Variants in LRMDA observed in about 807,000 individuals in gnomAD.
LRMDA encodes the protein leucine-rich melanocyte differentiation-associated protein.
In LRMDA, 18 loss-of-function variants were observed where a neutral mutation model predicts 29.8. That is an observed-to-expected ratio of 0.60 (90% confidence interval 0.42 to 0.90). The LOEUF (loss-of-function observed/expected upper bound fraction) is 0.90. LRMDA is among the 40% of genes least tolerant of loss of function. LRMDA has a pLI of 0.00. For synonymous variants in LRMDA, 125 were observed against 109.4 expected (o/e 1.14, Z -0.89); for missense variants, 273 against 273.9 (o/e 1.00, Z 0.02).
At chr10:75,777,069 G>T (rs892610772) in intron 2 of LRMDA, among the ~76,000 whole-genome samples, 1 of 152,168 alleles carries the variant, frequency 6.6e-6, no homozygotes, top group African/African-American at 2.4e-5. Context: ...GTGGGGAGCC[G>T]GGTTTACTCT....
intron 5 of LRMDA, among the ~76,000 whole-genome samples, chr10:76,162,822 A>T (rs1486965845): frequency 6.6e-6 from 1 of 152,184 alleles, no homozygotes; most frequent in African/African-American, 2.4e-5. Context: ...TATGTAGAAA[A>T]TGCAGGTGAT....
At chr10:76,261,966 G>A (rs943739394) in intron 5 of LRMDA, among the ~76,000 whole-genome samples, 5 of 152,062 alleles carry the variant, frequency 3.3e-5, no homozygotes, top group East Asian at 3.9e-4. Flanking sequence ...ATTAGAAAAC[G>A]AGCCTCATGT....
intron 6 of LRMDA, among the ~76,000 whole-genome samples, chr10:76,427,309 G>A (rs541968327): frequency 2.0e-3 from 305 of 151,982 alleles, no homozygotes; most frequent in African/African-American, 4.4e-3. Context: ...TCCTTGAAGA[G>A]GTCCTTCACA....
chr10:76,051,132 C>T (rs7923665), intron 4 of LRMDA, among the ~76,000 whole-genome samples: 55,116 of 152,218 alleles, frequency 0.36, 11,200 homozygotes, highest in Non-Finnish European at 0.45. Flanking sequence ...AGGGACCCTC[C>T]GCCGTCTGGT....
intron 6 of LRMDA, among the ~76,000 whole-genome samples, chr10:76,397,802 T>C (rs10762724): frequency 0.3 from 45,764 of 151,982 alleles, 9,742 homozygotes; most frequent in African/African-American, 0.6. Context: ...ACAAGGGGCA[T>C]AGGGAAATGC....
intron 2 of LRMDA, among the ~76,000 whole-genome samples, chr10:75,933,168 G>T (rs1360735958): frequency 6.6e-6 from 1 of 152,112 alleles, no homozygotes; most frequent in Non-Finnish European, 1.5e-5. Flanking sequence ...TATCTGAGCT[G>T]TCACCATCCT....
intron 6 of LRMDA, among the ~76,000 whole-genome samples, chr10:76,538,254 C>T (rs764255476): frequency 1.8e-4 from 27 of 151,880 alleles, no homozygotes; most frequent in Non-Finnish European, 5.9e-5. Flanking sequence ...CCCCTTTACC[C>T]TATTTCTACC....
chr10:76,144,156 G>A (rs986687401), intron 5 of LRMDA, among the ~76,000 whole-genome samples: 1 of 152,156 alleles, frequency 6.6e-6, no homozygotes, highest in Non-Finnish European at 1.5e-5. Context: ...TTTGGCTTAG[G>A]ATTGACTTGG....
intron 5 of LRMDA, among the ~76,000 whole-genome samples, chr10:76,098,333 T>C (rs906701832): frequency 1.3e-5 from 2 of 152,208 alleles, no homozygotes; most frequent in Non-Finnish European, 2.9e-5. Flanking sequence ...TTGTCAAAGT[T>C]GTCAGAAGAT....
intron 2 of LRMDA, among the ~76,000 whole-genome samples, chr10:75,977,615 T>C (rs1564621423): frequency 6.6e-6 from 1 of 152,218 alleles, no homozygotes; most frequent in African/African-American, 2.4e-5. Flanking sequence ...GTAGTGTTAA[T>C]AGGATGACAG....
intron 2 of LRMDA, among the ~76,000 whole-genome samples, chr10:75,782,007 G>A (rs559305644): frequency 2.3e-4 from 35 of 152,330 alleles, no homozygotes; most frequent in Admixed American, 2.2e-3. Flanking sequence ...GAATGTGTTC[G>A]AGGATCACAG....
chr10:76,493,691 C>T (rs1429906936), intron 6 of LRMDA, among the ~76,000 whole-genome samples: 1 of 151,796 alleles, frequency 6.6e-6, no homozygotes, highest in Non-Finnish European at 1.5e-5. Flanking sequence ...AAGTTGTTCA[C>T]CGTTTTTGAA....
intron 2 of LRMDA, among the ~76,000 whole-genome samples, chr10:75,936,127 C>G (rs1846287457): frequency 6.6e-6 from 1 of 151,958 alleles, no homozygotes; most frequent in Non-Finnish European, 1.5e-5. Flanking sequence ...TTGTAAAGCA[C>G]CCGGTACATT....
chr10:75,982,330 T>C (rs1847187002), intron 2 of LRMDA, among the ~76,000 whole-genome samples: 1 of 152,154 alleles, frequency 6.6e-6, no homozygotes, highest in African/African-American at 2.4e-5. Flanking sequence ...TTACATTCCC[T>C]CTCACTTCTG....
intron 2 of LRMDA, among the ~76,000 whole-genome samples, chr10:75,831,507 C>T (rs900087577): frequency 2.0e-5 from 3 of 152,190 alleles, no homozygotes; most frequent in Non-Finnish European, 4.4e-5. Context: ...CATGGGATGG[C>T]ATCGAGTGTC....
chr10:76,189,100 G>A (rs1851200716), intron 5 of LRMDA, among the ~76,000 whole-genome samples: 1 of 152,176 alleles, frequency 6.6e-6, no homozygotes, highest in Non-Finnish European at 1.5e-5. Context: ...ACTCATGCCT[G>A]TAATGCCAGC....
At chr10:76,389,610 A>C (rs2132481860) in intron 6 of LRMDA, among the ~76,000 whole-genome samples, 1 of 152,270 alleles carries the variant, frequency 6.6e-6, no homozygotes, top group South Asian at 2.1e-4. Context: ...CTGAAACTCC[A>C]TACTCATTAA....
In LRMDA at chr10:75,472,620, T is replaced by C. The variant is rs191205697; in HGVS notation, c.131+34126T>C. The stretch of plus-strand genomic sequence containing the variant: ...TTATTGAGTTGCGTTATTGGACAGT[T>C]TCCTTTATGGGGATGAAAATTCCTC... On this transcript the variant is annotated intron_variant, in intron 2 of 6. Coordinates refer to ENST00000611255, the MANE Select transcript of LRMDA (RefSeq NM_001305581.2). 1.4e-3 allele frequency among the ~76,000 whole-genome samples: 212 copies of C among 152,360 alleles called. 2 individuals carry two copies. The highest frequency in any genetic ancestry group is 5.1e-3 in the African/African-American group (212 of 41,596).
intron 6 of LRMDA, among the ~76,000 whole-genome samples, chr10:76,383,967 T>TTC (rs1554817381): frequency 6.6e-6 from 1 of 151,812 alleles, no homozygotes; most frequent in African/African-American, 2.4e-5. Flanking sequence ...CCATTTTTTT[T>TTC]TCTCTCTCTC....
Sources: gnomAD v4.1 joint callset for allele counts (sites outside exome capture counted in the v4.1 genomes callset) on GRCh38, gnomAD v4.1.1 for gene constraint, MANE v1.5 for transcripts, NCBI Gene and HGNC (gene_info 2026-07-23, HGNC 2026-07-21) for gene names.